The following HDAC9 variants were observed in gnomAD, a reference collection of about 807,000 sequenced individuals.
The protein encoded by HDAC9 is histone deacetylase 9.
HDAC9 carries 41 observed loss-of-function variants against 139.4 expected under a neutral mutation model. That is an observed-to-expected ratio of 0.29 (90% CI 0.23 to 0.38). The LOEUF is 0.38. Among genes scored for constraint, HDAC9 ranks in the 10% least tolerant of loss-of-function variants. The pLI is 1.00. For synonymous variants in HDAC9, 517 were observed against 476.2 expected (o/e 1.09, Z -1.12); for missense variants, 1,147 against 1,297.0 (o/e 0.88, Z 1.78).
At chr7:18,650,818 A>C (rs1035244588) in intron 11 of HDAC9, among the ~76,000 whole-genome samples, 1 of 152,164 alleles carries the variant, frequency 6.6e-6, no homozygotes, top group African/African-American at 2.4e-5. Context: ...TCAAAGTCCA[A>C]AGCTGATCTT....
intron 2 of HDAC9, among the ~76,000 whole-genome samples, chr7:18,552,829 C>T (rs1817583770): frequency 2.0e-5 from 3 of 152,254 alleles, no homozygotes; most frequent in Middle Eastern, 3.4e-3. Context: ...AACCTGTACC[C>T]GGCATTTCAG....
chr7:18,157,154 A>G (rs1787274056), intron 1 of HDAC9, among the ~76,000 whole-genome samples: 1 of 152,212 alleles, frequency 6.6e-6, no homozygotes, highest in Admixed American at 6.5e-5. Context: ...ACAGAGACAC[A>G]AAAGCATGGA....
intron 1 of HDAC9, among the ~76,000 whole-genome samples, chr7:18,389,279 C>T (rs994795441): frequency 2.0e-5 from 3 of 152,160 alleles, no homozygotes; most frequent in African/African-American, 7.2e-5. Flanking sequence ...GCACAGAGAC[C>T]ACAAAATAAT....
intron 2 of HDAC9, among the ~76,000 whole-genome samples, chr7:18,571,304 C>T (rs1824203190): frequency 6.6e-6 from 1 of 152,142 alleles, no homozygotes. Flanking sequence ...TGTAATTTGC[C>T]TGTGATTTGA....
intron 1 of HDAC9, among the ~76,000 whole-genome samples, chr7:18,102,943 G>T (rs935448521): frequency 2.0e-5 from 3 of 152,160 alleles, no homozygotes; most frequent in African/African-American, 7.2e-5. Flanking sequence ...TTTTAAAGAA[G>T]GCCTAGGACA....
intron 6 of HDAC9, among the ~76,000 whole-genome samples, chr7:18,627,498 T>A (rs1196096299): frequency 6.6e-6 from 1 of 151,416 alleles, no homozygotes; most frequent in Non-Finnish European, 1.5e-5. Context: ...TTTGAAGTAA[T>A]TTAAAAATAC....
intron 2 of HDAC9, among the ~76,000 whole-genome samples, chr7:18,169,994 C>T (rs1179334857): frequency 6.6e-6 from 1 of 152,174 alleles, no homozygotes; most frequent in Non-Finnish European, 1.5e-5. Flanking sequence ...ATTGCTGGGT[C>T]AAATGGTACT....
At chr7:18,943,435 G>A (rs1166220439) in intron 23 of HDAC9, among the ~76,000 whole-genome samples, 4 of 151,768 alleles carry the variant, frequency 2.6e-5, no homozygotes, top group African/African-American at 9.7e-5. Flanking sequence ...TTATTTTTAG[G>A]TTTATTTTTA....
chr7:18,895,804 T>C (rs893898221), intron 22 of HDAC9, among the ~76,000 whole-genome samples: 4 of 152,102 alleles, frequency 2.6e-5, no homozygotes, highest in African/African-American at 9.7e-5. Context: ...TTTAAGCTTC[T>C]TGTTATACTC....
chr7:18,763,195 A>G (rs935040306), intron 15 of HDAC9, among the ~76,000 whole-genome samples: 3 of 152,216 alleles, frequency 2.0e-5, no homozygotes, highest in African/African-American at 7.2e-5. Context: ...CTGGTCCTAA[A>G]CAATTTGAAA....
chr7:18,866,007 T>C (rs1228365124), intron 21 of HDAC9, among the ~76,000 whole-genome samples: 1 of 150,648 alleles, frequency 6.6e-6, no homozygotes, highest in African/African-American at 2.5e-5. Flanking sequence ...AGGTGACATA[T>C]AAGATCATAT....
At chr7:18,684,323 A>G (rs185476025) in intron 12 of HDAC9, among the ~76,000 whole-genome samples, 1 of 126,450 alleles carries the variant, frequency 7.9e-6, no homozygotes, top group Non-Finnish European at 1.7e-5. Flanking sequence ...TTTACTGACA[A>G]CAAAAACTTT....
chr7:18,450,499 C>G (rs532345152), intron 1 of HDAC9, among the ~76,000 whole-genome samples: 5 of 152,192 alleles, frequency 3.3e-5, no homozygotes, highest in Admixed American at 6.5e-5. Context: ...GTCTCCGCCC[C>G]TTTCCCAGTT....
intron 1 of HDAC9, among the ~76,000 whole-genome samples, chr7:18,307,294 A>G (rs962381285): frequency 9.9e-5 from 15 of 152,138 alleles, no homozygotes; most frequent in African/African-American, 3.6e-4. Context: ...CATGAGTACA[A>G]AGGGAGGGCA....
chr7:18,175,006 G>A (rs1193700427), intron 2 of HDAC9, among the ~76,000 whole-genome samples: 1 of 152,208 alleles, frequency 6.6e-6, no homozygotes, highest in African/African-American at 2.4e-5. Flanking sequence ...AGAAGGGGAC[G>A]TTTAAGTCTG....
At chr7:18,426,611 G>C (rs1470883080) in intron 1 of HDAC9, among the ~76,000 whole-genome samples, 1 of 152,122 alleles carries the variant, frequency 6.6e-6, no homozygotes, top group Non-Finnish European at 1.5e-5. Context: ...GACTACCTCA[G>C]GCATCTAATA....
intron 1 of HDAC9, among the ~76,000 whole-genome samples, chr7:18,396,418 A>G (rs1381590463): frequency 1.3e-5 from 2 of 152,032 alleles, no homozygotes; most frequent in East Asian, 3.9e-4. Context: ...ATCTGATTGC[A>G]TTCAGCACAG....
At chr7:18,538,638 C>G (rs988686426) in intron 2 of HDAC9, among the ~76,000 whole-genome samples, 5 of 152,162 alleles carry the variant, frequency 3.3e-5, no homozygotes, top group African/African-American at 1.2e-4. Flanking sequence ...TACATGATAA[C>G]TTTCACATGA....
chr7:18,148,060 G>A (rs1786480506), intron 1 of HDAC9, among the ~76,000 whole-genome samples: 1 of 152,070 alleles, frequency 6.6e-6, no homozygotes, highest in Admixed American at 6.6e-5. Context: ...ATATTTTTGT[G>A]ATTTTTCTCA....
Sources: gnomAD v4.1 joint callset for allele counts (sites outside exome capture counted in the v4.1 genomes callset) on GRCh38, gnomAD v4.1.1 for gene constraint, MANE v1.5 for transcripts, NCBI Gene and HGNC (gene_info 2026-07-23, HGNC 2026-07-21) for gene names.